CFAP20DC: variants seen among roughly 807,000 people sequenced by gnomAD.
CFAP20DC encodes the protein protein CFAP20DC.
Under a neutral mutation model 101.7 loss-of-function variants are expected in CFAP20DC, and 84 were observed. The observed-to-expected ratio is 0.83, with a 90% CI of 0.69 to 0.99. CFAP20DC has a LOEUF of 0.99. Ranked by LOEUF, CFAP20DC falls within the 50% of genes least tolerant of loss-of-function variation. The pLI, the probability that CFAP20DC is intolerant of heterozygous loss-of-function variation, is 0.00. For missense variants in CFAP20DC, 1,007 were observed against 970.3 expected (o/e 1.04, Z -0.50); for synonymous variants, 359 against 351.2 (o/e 1.02, Z -0.25).
intron 15 of CFAP20DC, among the ~76,000 whole-genome samples, chr3:58,779,233 TC>T (rs2071610974): frequency 6.6e-6 from 1 of 151,900 alleles, no homozygotes; most frequent in Admixed American, 6.6e-5. Context: ...GAAAAACAAT[TC>T]AGGATATGAG....
chr3:59,044,987 G>GACACACAC (rs57196071), intron 3 of CFAP20DC, among the ~76,000 whole-genome samples: 219 of 139,932 alleles, frequency 1.6e-3, no homozygotes, highest in African/African-American at 5.3e-3. Flanking sequence ...TCCTATTACA[G>GACACACAC]ACACACACAC....
chr3:58,793,081 G>C (rs1039195871), intron 15 of CFAP20DC, among the ~76,000 whole-genome samples: 5 of 152,064 alleles, frequency 3.3e-5, no homozygotes, highest in Non-Finnish European at 7.4e-5. Flanking sequence ...CTGGAAATAT[G>C]TTGATGATTT....
At chr3:58,766,889 A>C (rs1405292664) in intron 15 of CFAP20DC, among the ~76,000 whole-genome samples, 1 of 152,162 alleles carries the variant, frequency 6.6e-6, no homozygotes, top group Non-Finnish European at 1.5e-5. Flanking sequence ...TTTTGGCTAA[A>C]GCATCACACT....
chr3:58,986,390 G>A (rs2092752486), intron 4 of CFAP20DC, among the ~76,000 whole-genome samples: 1 of 152,174 alleles, frequency 6.6e-6, no homozygotes, highest in African/African-American at 2.4e-5. Context: ...CATCTATAGT[G>A]AGACAGTAGA....
At chr3:59,021,149 A>T (rs565672509) in intron 4 of CFAP20DC, among the ~76,000 whole-genome samples, 1 of 152,164 alleles carries the variant, frequency 6.6e-6, no homozygotes, top group African/African-American at 2.4e-5. Flanking sequence ...CATTCTAATC[A>T]GTGTTATTAT....
At chr3:58,833,101 GA>G (rs978700953) in intron 13 of CFAP20DC, among the ~76,000 whole-genome samples, 3 of 151,806 alleles carry the variant, frequency 2.0e-5, no homozygotes, top group African/African-American at 7.3e-5. Context: ...ACATAATTTT[GA>G]AAAAAATTCT....
intron 14 of CFAP20DC, 106 bp from the exon 15 acceptor site, chr3:58,806,562 C>T (rs2074075411): frequency 1.3e-6 from 1 of 758,954 alleles, no homozygotes; most frequent in Admixed American, 1.9e-5. Context: ...ACACAACCCA[C>T]AAGAAGGGTA....
intron 4 of CFAP20DC, among the ~76,000 whole-genome samples, chr3:58,991,379 A>G (rs565762917): frequency 2.6e-5 from 4 of 152,174 alleles, no homozygotes; most frequent in African/African-American, 9.7e-5. Context: ...AGCATGTTCA[A>G]TAAATATTCA....
intron 15 of CFAP20DC, among the ~76,000 whole-genome samples, chr3:58,755,989 T>C (rs1277871329): frequency 6.6e-6 from 1 of 152,204 alleles, no homozygotes; most frequent in African/African-American, 2.4e-5. Context: ...AAATTCGAAA[T>C]TCAGTGTCCA....
At chr3:58,792,121 T>C (rs961842246) in intron 15 of CFAP20DC, among the ~76,000 whole-genome samples, 1 of 152,192 alleles carries the variant, frequency 6.6e-6, no homozygotes, top group African/African-American at 2.4e-5. Context: ...ATATAGACTA[T>C]TCTCATTGTT....
chr3:58,756,157 G>A (rs926208171), intron 15 of CFAP20DC, among the ~76,000 whole-genome samples: 1 of 152,018 alleles, frequency 6.6e-6, no homozygotes, highest in Admixed American at 6.6e-5. Flanking sequence ...ACTCACATTG[G>A]TTCCTCCAAT....
intron 6 of CFAP20DC, among the ~76,000 whole-genome samples, chr3:58,905,326 T>C (rs191042074): frequency 2.2e-4 from 34 of 152,330 alleles, no homozygotes; most frequent in African/African-American, 7.9e-4. Context: ...CTCTTTCTCT[T>C]ATCTATCTAA....
chr3:58,900,141 GATC>G (rs1434395066), intron 6 of CFAP20DC, among the ~76,000 whole-genome samples: 1 of 152,204 alleles, frequency 6.6e-6, no homozygotes, highest in Admixed American at 6.5e-5. Flanking sequence ...GAAAGGAATA[GATC>G]ATCGAAGACT....
At chr3:58,898,876 C>T (rs1008191840) in intron 6 of CFAP20DC, among the ~76,000 whole-genome samples, 1 of 151,012 alleles carries the variant, frequency 6.6e-6, no homozygotes, top group African/African-American at 2.4e-5. Flanking sequence ...TTGTGGGGTC[C>T]TTTTTGTTTA....
rs1187049567 is a variant in CFAP20DC, at chr3:58,795,444, A to G, written c.2237+10951T>C. Among the ~76,000 whole-genome samples the G allele has an allele frequency of 6.6e-6, 1 of 152,180 alleles. No homozygotes were observed. Among genetic ancestry groups the G allele is most frequent in the Non-Finnish European group, 1.5e-5 (1 of 68,036 alleles). ...TGCTTGAGCCCAGGAGTACGAGACC[A>G]GCTTGGGCAACAGGGCAAGACCCCA... On this transcript the variant is annotated intron_variant, in intron 15 of 16. Transcript: ENST00000482387. This position sits in a 1 kb window ranked among gnomAD's most constrained non-coding sequence, Gnocchi z 4.2.
chr3:58,769,610 G>C (rs2070655458), intron 15 of CFAP20DC, among the ~76,000 whole-genome samples: 1 of 152,178 alleles, frequency 6.6e-6, no homozygotes, highest in Non-Finnish European at 1.5e-5. Flanking sequence ...CATGCTCTGA[G>C]AGTGGCGGGA....
rs1482390050 is a variant in CFAP20DC, at chr3:58,720,856, C to T, written c.198-3228G>A. On this transcript the variant is annotated intron_variant, in intron 3 of 3. Coordinates refer to the CFAP20DC transcript ENST00000486145. ...CTTTCCTTGGCTTATATTGATTTAT[C>T]CCATGACACACAGAAATGTAAATTA... Among the ~76,000 whole-genome samples, 3 of 152,120 alleles carry T rather than the reference C, an allele frequency of 2.0e-5. No homozygotes were observed. The East Asian group carries it at 5.8e-4, about 29-fold the overall frequency.
At chr3:58,902,763 C>T (rs1423286610) in intron 6 of CFAP20DC, among the ~76,000 whole-genome samples, 1 of 152,212 alleles carries the variant, frequency 6.6e-6, no homozygotes, top group Admixed American at 6.5e-5. Context: ...ACAGTATTTA[C>T]ATATAACCTA....
At chr3:58,985,888 C>T (rs189659172) in intron 4 of CFAP20DC, among the ~76,000 whole-genome samples, 131 of 152,268 alleles carry the variant, frequency 8.6e-4, no homozygotes, top group Middle Eastern at 3.4e-3. Flanking sequence ...ATCTTTGTAT[C>T]GCCAGGGTCT....
Sources: allele counts gnomAD v4.1 joint callset (sites outside exome capture counted in the v4.1 genomes callset), GRCh38; gene constraint gnomAD v4.1.1; non-coding constraint Gnocchi (gnomAD v3.1); transcripts MANE v1.5; gene names NCBI Gene and HGNC (gene_info 2026-07-23, HGNC 2026-07-21).